Variants in DCC observed in about 807,000 individuals in gnomAD.
The protein encoded by DCC is netrin receptor DCC.
Under a neutral mutation model 172.5 loss-of-function variants are expected in DCC, and 58 were observed. That is an observed-to-expected ratio of 0.34 (90% CI 0.27 to 0.42). DCC has a LOEUF of 0.42. DCC is among the 10% of genes least tolerant of loss of function. DCC has a pLI of 1.00. For missense variants in DCC, 1,740 were observed against 1,791.0 expected, an observed-to-expected ratio of 0.97 and a Z score of 0.51; for synonymous variants, 709 against 644.5, an observed-to-expected ratio of 1.10 and a Z score of -1.52.
At chr18:52,461,653 T>TA (rs1217062885) in intron 1 of DCC, among the ~76,000 whole-genome samples, 1 of 152,192 alleles carries the variant, frequency 6.6e-6, no homozygotes, top group Non-Finnish European at 1.5e-5. Context: ...TGTATAACCT[T>TA]ATGGGACCAC....
chr18:52,506,180 G>A (rs1351202735), intron 1 of DCC, among the ~76,000 whole-genome samples: 1 of 151,982 alleles, frequency 6.6e-6, no homozygotes, highest in Non-Finnish European at 1.5e-5. Flanking sequence ...AATTTGGTGT[G>A]TAAATTATTT....
chr18:52,463,852 C>T (rs1988703826), intron 1 of DCC, among the ~76,000 whole-genome samples: 2 of 152,160 alleles, frequency 1.3e-5, no homozygotes, highest in Non-Finnish European at 2.9e-5. Flanking sequence ...CGTTGATCAC[C>T]TACATTTTTA....
chr18:53,126,254 T>C (rs1223899876), intron 7 of DCC, among the ~76,000 whole-genome samples: 13 of 152,140 alleles, frequency 8.5e-5, no homozygotes, highest in Admixed American at 7.2e-4. Context: ...GTTGTAAGCA[T>C]TTCTTTGGCT....
chr18:52,807,918 T>C (rs2038118203), intron 2 of DCC, among the ~76,000 whole-genome samples: 1 of 152,240 alleles, frequency 6.6e-6, no homozygotes, highest in Non-Finnish European at 1.5e-5. Context: ...TTTCATTCAC[T>C]GGTCGTTTGG....
intron 5 of DCC, among the ~76,000 whole-genome samples, chr18:52,968,516 G>A (rs1225362219): frequency 2.0e-5 from 3 of 152,038 alleles, no homozygotes; most frequent in Admixed American, 2.0e-4. Context: ...TAGTTCAGGA[G>A]GCTCGGAGTC....
intron 2 of DCC, among the ~76,000 whole-genome samples, chr18:52,767,707 C>T (rs1171412662): frequency 6.6e-6 from 1 of 152,072 alleles, no homozygotes. Context: ...GTGTAAATAC[C>T]TGTAGTACAA....
chr18:53,235,278 A>G (rs2056184177), intron 12 of DCC, among the ~76,000 whole-genome samples: 1 of 152,162 alleles, frequency 6.6e-6, no homozygotes, highest in South Asian at 2.1e-4. Flanking sequence ...AAGACTCATT[A>G]TCCCTGCTGG....
At chr18:53,518,635 A>C (rs2046365816) in intron 27 of DCC, among the ~76,000 whole-genome samples, 1 of 152,090 alleles carries the variant, frequency 6.6e-6, no homozygotes, top group Non-Finnish European at 1.5e-5. Flanking sequence ...TTTTCCTCTT[A>C]GTGGGTCCTG....
At chr18:53,346,147 A>G (rs2057721814) in intron 15 of DCC, among the ~76,000 whole-genome samples, 1 of 152,066 alleles carries the variant, frequency 6.6e-6, no homozygotes, top group South Asian at 2.1e-4. Flanking sequence ...GCATGTGTCA[A>G]CATGACATTC....
At chr18:52,591,960 T>C (rs1166756535) in intron 1 of DCC, among the ~76,000 whole-genome samples, 1 of 152,046 alleles carries the variant, frequency 6.6e-6, no homozygotes, top group Non-Finnish European at 1.5e-5. Context: ...TCCTTTCAAA[T>C]TCTTAAGCAT....
chr18:52,463,059 T>C (rs566511260), intron 1 of DCC, among the ~76,000 whole-genome samples: 1 of 152,322 alleles, frequency 6.6e-6, no homozygotes, highest in East Asian at 1.9e-4. Context: ...GCAGTAATTG[T>C]AGGCATAGCA....
chr18:52,475,722 G>C (rs537925075), intron 1 of DCC, among the ~76,000 whole-genome samples: 9 of 152,262 alleles, frequency 5.9e-5, no homozygotes, highest in African/African-American at 2.2e-4. Context: ...AGGAGAGAGT[G>C]ACCAATATTA....
chr18:52,518,234 A>G (rs1030049158), intron 1 of DCC, among the ~76,000 whole-genome samples: 5 of 152,204 alleles, frequency 3.3e-5, no homozygotes, highest in African/African-American at 1.2e-4. Context: ...GGCTGAGTAA[A>G]TATGGGATGT....
chr18:52,782,320 G>A (rs1385693418), intron 2 of DCC, among the ~76,000 whole-genome samples: 1 of 152,124 alleles, frequency 6.6e-6, no homozygotes, highest in Non-Finnish European at 1.5e-5. Flanking sequence ...TGGCAACACA[G>A]TTCGGTTTGT....
At chr18:52,559,564 A>G (rs185967078) in intron 1 of DCC, among the ~76,000 whole-genome samples, 22 of 152,362 alleles carry the variant, frequency 1.4e-4, no homozygotes, top group African/African-American at 3.4e-4. Context: ...TCAAAATCGA[A>G]TTAGGTAATC....
chr18:52,461,610 A>G (rs1353955075), intron 1 of DCC, among the ~76,000 whole-genome samples: 1 of 152,220 alleles, frequency 6.6e-6, no homozygotes, highest in Non-Finnish European at 1.5e-5. Flanking sequence ...TGACAGCTAC[A>G]ACCTCACTAG....
intron 1 of DCC, among the ~76,000 whole-genome samples, chr18:52,442,977 G>A (rs954101168): frequency 6.6e-6 from 1 of 151,930 alleles, no homozygotes; most frequent in African/African-American, 2.4e-5. Context: ...GAGGAAAATA[G>A]GGCCCAAGAT....
chr18:52,874,198 A>T (rs918019225), intron 2 of DCC, among the ~76,000 whole-genome samples: 1 of 152,228 alleles, frequency 6.6e-6, no homozygotes, highest in Non-Finnish European at 1.5e-5. Flanking sequence ...ACTCCTGTAA[A>T]GCAGTAGTGT....
chr18:53,037,863 G>C (rs1000834448), intron 5 of DCC, among the ~76,000 whole-genome samples: 1 of 151,830 alleles, frequency 6.6e-6, no homozygotes, highest in Non-Finnish European at 1.5e-5. Flanking sequence ...AATATTGAAT[G>C]AGATAAAATA....
Sources: gnomAD v4.1 joint callset for allele counts (sites outside exome capture counted in the v4.1 genomes callset) on GRCh38, gnomAD v4.1.1 for gene constraint, MANE v1.5 for transcripts, NCBI Gene and HGNC (gene_info 2026-07-23, HGNC 2026-07-21) for gene names.